OSBPL6: variants seen among roughly 807,000 people sequenced by gnomAD.
The protein encoded by OSBPL6 is oxysterol binding protein like 6, also known as oxysterol-binding protein-related protein 6.
Under a neutral mutation model 125.8 loss-of-function variants are expected in OSBPL6, and 49 were observed. The observed-to-expected ratio is 0.39, with a 90% CI of 0.31 to 0.49. The LOEUF (loss-of-function observed/expected upper bound fraction) is 0.49, where lower values mean the gene tolerates loss of function less well. Ranked by LOEUF, OSBPL6 falls within the 20% of genes least tolerant of loss-of-function variation. OSBPL6 has a pLI of 0.88. For missense variants in OSBPL6, 986 were observed against 1,135.4 expected, an observed-to-expected ratio of 0.87 and a Z score of 1.89; for synonymous variants, 394 against 391.8, an observed-to-expected ratio of 1.01 and a Z score of -0.07.
chr2:178,205,682 G>A (rs556923902), intron 1 of OSBPL6, among the ~76,000 whole-genome samples: 3 of 152,242 alleles, frequency 2.0e-5, no homozygotes, highest in Middle Eastern at 6.8e-3. Context: ...GATATTTCCC[G>A]TATATATGCC....
intron 1 of OSBPL6, among the ~76,000 whole-genome samples, chr2:178,241,399 A>G (rs953957161): frequency 3.4e-5 from 5 of 148,378 alleles, no homozygotes; most frequent in African/African-American, 7.6e-5. Flanking sequence ...GGTGTGAGCC[A>G]CTGCACCCGG....
chr2:178,295,957 C>T (rs149295406), intron 2 of OSBPL6, among the ~76,000 whole-genome samples: 1 of 152,226 alleles, frequency 6.6e-6, no homozygotes, highest in East Asian at 1.9e-4. Flanking sequence ...CCAAAACTTT[C>T]TTAATTTCAG....
At chr2:178,266,084 T>A (rs1157896770) in intron 1 of OSBPL6, among the ~76,000 whole-genome samples, 4 of 152,138 alleles carry the variant, frequency 2.6e-5, no homozygotes, top group Admixed American at 6.6e-5. Flanking sequence ...GAAGTGTTTT[T>A]CGGGCCAAGG....
rs1559264205 is a variant in OSBPL6 at position 178,338,750 on chromosome 2, A to C, written c.791-241A>C. Among the ~76,000 whole-genome samples the C allele has an allele frequency of 2.0e-5, 3 of 152,328 alleles. No individual in the cohort carries two copies. The South Asian group carries it at 6.2e-4, about 32-fold the overall frequency. ...AAAGGGATCACATACAGTGTGACTG[A>C]GAGTTTCATGGTTTCTGCACTAATA... On this transcript the variant is annotated intron_variant, in intron 9 of 24. Coordinates refer to ENST00000190611, the MANE Select transcript of OSBPL6 (RefSeq NM_032523.4).
Position 178,244,979 on chromosome 2 carries a change from AG to A in OSBPL6, c.-350-39947del, listed in dbSNP as rs144685497. Among the ~76,000 whole-genome samples, 1,383 of 152,378 alleles carry A rather than the reference AG, an allele frequency of 9.1e-3. 22 individuals are homozygous for A. Among genetic ancestry groups the A allele is most frequent in the African/African-American group, 0.032 (1,317 of 41,590 alleles). ...ATTGAATGGTAAGTGAGGCTGTAGC[AG>A]CCATATTAAAATGTACTTTTCCAGC... On this transcript the variant is annotated intron_variant, in intron 1 of 24. Coordinates refer to ENST00000190611, the MANE Select transcript of OSBPL6 (RefSeq NM_032523.4).
intron 1 of OSBPL6, among the ~76,000 whole-genome samples, chr2:178,231,637 C>CTTT (rs1559141366): frequency 1.9e-4 from 24 of 127,608 alleles, no homozygotes; most frequent in African/African-American, 7.9e-4. Context: ...AGGGTGGTCC[C>CTTT]ATTTTTTTTT....
intron 1 of OSBPL6, among the ~76,000 whole-genome samples, chr2:178,194,894 C>T (rs1249959338): frequency 6.6e-6 from 1 of 152,136 alleles, no homozygotes; most frequent in Non-Finnish European, 1.5e-5. Context: ...TCAGCCCATT[C>T]TCGCGGCCGG....
At chr2:178,353,332 G>A (rs769222444) in intron 12 of OSBPL6, among the ~76,000 whole-genome samples, 8 of 152,144 alleles carry the variant, frequency 5.3e-5, no homozygotes, top group Non-Finnish European at 1.0e-4. Flanking sequence ...CCATCACAAG[G>A]AAGCTAAAAA....
At chr2:178,319,125 T>G (rs1305167410) in intron 3 of OSBPL6, among the ~76,000 whole-genome samples, 1 of 152,192 alleles carries the variant, frequency 6.6e-6, no homozygotes, top group African/African-American at 2.4e-5. Context: ...GCTGCAAAAT[T>G]TATGTTCTTT....
chr2:178,238,813 A>G (rs2091166489), intron 1 of OSBPL6, among the ~76,000 whole-genome samples: 1 of 152,130 alleles, frequency 6.6e-6, no homozygotes, highest in South Asian at 2.1e-4. Context: ...TCCCCCCAAA[A>G]TAAGGGGTTC....
At chr2:178,213,043 G>A (rs372196470) in intron 1 of OSBPL6, among the ~76,000 whole-genome samples, 53 of 152,106 alleles carry the variant, frequency 3.5e-4, no homozygotes, top group African/African-American at 1.2e-3. Context: ...TCCTGGCCTC[G>A]TGATCCGCCT....
At chr2:178,328,115 G>C (rs1688857749) in intron 4 of OSBPL6, 141 bp from the exon 5 acceptor site, 1 of 1,102,348 alleles carries the variant, frequency 9.1e-7, no homozygotes, top group Non-Finnish European at 1.3e-6. Flanking sequence ...TTTGATGTTA[G>C]AATTTGCTCC....
chr2:178,312,136 C>T (rs914616424), intron 3 of OSBPL6, among the ~76,000 whole-genome samples: 1 of 150,544 alleles, frequency 6.6e-6, no homozygotes, highest in African/African-American at 2.4e-5. Context: ...CGAGCACCAC[C>T]ACGCCCAGCT....
intron 1 of OSBPL6, among the ~76,000 whole-genome samples, chr2:178,235,108 G>A (rs1014509384): frequency 2.6e-5 from 4 of 152,102 alleles, no homozygotes; most frequent in African/African-American, 7.2e-5. Flanking sequence ...TTATTTGTTA[G>A]GTATTACTTT....
intron 3 of OSBPL6, among the ~76,000 whole-genome samples, chr2:178,318,341 G>A (rs893641890): frequency 5.9e-5 from 9 of 152,128 alleles, no homozygotes; most frequent in Non-Finnish European, 8.8e-5. Context: ...AATTTCCCAG[G>A]TGTGCTGTGT....
intron 2 of OSBPL6, 149 bp from the exon 3 acceptor site, chr2:178,305,881 T>C (rs1686719117): frequency 5.3e-6 from 1 of 189,446 alleles, no homozygotes; most frequent in East Asian, 1.3e-4. Flanking sequence ...GACACTTTCA[T>C]CTTCCGCCTT....
chr2:178,236,474 C>T (rs763254609), intron 1 of OSBPL6, among the ~76,000 whole-genome samples: 1 of 152,140 alleles, frequency 6.6e-6, no homozygotes, highest in Non-Finnish European at 1.5e-5. Context: ...TGTCAGACAG[C>T]GTTGGTTTCT....
At chr2:178,235,495 C>T (rs1286712391) in intron 1 of OSBPL6, among the ~76,000 whole-genome samples, 1 of 146,704 alleles carries the variant, frequency 6.8e-6, no homozygotes, top group African/African-American at 2.6e-5. Flanking sequence ...CAACCTCTGC[C>T]TCCTGGGTTC....
At chr2:178,220,291 T>C (rs1226021642) in intron 1 of OSBPL6, among the ~76,000 whole-genome samples, 2 of 152,004 alleles carry the variant, frequency 1.3e-5, no homozygotes, top group African/African-American at 4.8e-5. Flanking sequence ...ATCTCCTTCT[T>C]TTTTGGGGGG....
Sources: allele counts gnomAD v4.1 joint callset (sites outside exome capture counted in the v4.1 genomes callset), GRCh38; gene constraint gnomAD v4.1.1; transcripts MANE v1.5; gene names NCBI Gene and HGNC (gene_info 2026-07-23, HGNC 2026-07-21).